The following RUNX2 variants were observed in gnomAD, a reference collection of about 807,000 sequenced individuals.
RUNX2 encodes RUNX family transcription factor 2, also known as runt-related transcription factor 2.
In RUNX2, 10 loss-of-function variants were observed where a neutral mutation model predicts 51.7. That is an observed-to-expected ratio of 0.19 (90% CI 0.12 to 0.33). The LOEUF is 0.33. Ranked by LOEUF, RUNX2 falls within the 10% of genes least tolerant of loss-of-function variation. The probability of loss-of-function intolerance (pLI) is 1.00; values close to 1 mark genes in which losing one functional copy is unlikely to be tolerated. For missense variants in RUNX2, 562 were observed against 691.3 expected (o/e 0.81, Z 2.10); for synonymous variants, 276 against 273.6 (o/e 1.01, Z -0.09).
chr6:45,489,666 G>A (rs1393045780), intron 5 of RUNX2, among the ~76,000 whole-genome samples: 2 of 152,074 alleles, frequency 1.3e-5, no homozygotes, highest in African/African-American at 4.8e-5. Context: ...GTTTACAGCT[G>A]TATCAACACC....
intron 2 of RUNX2, among the ~76,000 whole-genome samples, chr6:45,375,263 T>C (rs1796620706): frequency 1.3e-5 from 2 of 152,160 alleles, no homozygotes; most frequent in Non-Finnish European, 1.5e-5. Context: ...TAAAACTATA[T>C]ATTACAAGTC....
intron 5 of RUNX2, among the ~76,000 whole-genome samples, chr6:45,478,341 G>A (rs1053681394): frequency 1.3e-5 from 2 of 152,178 alleles, no homozygotes; most frequent in African/African-American, 4.8e-5. Flanking sequence ...GGTTTTACCT[G>A]TGTAGGACAT....
At chr6:45,504,729 A>C (rs1800906861) in intron 6 of RUNX2, among the ~76,000 whole-genome samples, 1 of 152,220 alleles carries the variant, frequency 6.6e-6, no homozygotes, top group Non-Finnish European at 1.5e-5. Flanking sequence ...AGTTTAAGAT[A>C]GGAAATGGCA....
chr6:45,415,570 C>T (rs1248526564), intron 2 of RUNX2, among the ~76,000 whole-genome samples: 1 of 152,130 alleles, frequency 6.6e-6, no homozygotes, highest in Non-Finnish European at 1.5e-5. Flanking sequence ...GCTTCAGGAG[C>T]CTGGCACTGG....
intron 7 of RUNX2, among the ~76,000 whole-genome samples, chr6:45,542,256 G>A (rs1435497353): frequency 6.6e-6 from 1 of 152,182 alleles, no homozygotes; most frequent in Non-Finnish European, 1.5e-5. Context: ...ACCTTGGGAG[G>A]AGGGGCAAGA....
intron 5 of RUNX2, among the ~76,000 whole-genome samples, chr6:45,488,823 A>G (rs1800363757): frequency 6.6e-6 from 1 of 151,994 alleles, no homozygotes; most frequent in Non-Finnish European, 1.5e-5. Context: ...TGGAACATCT[A>G]CTCGTTGGCC....
intron 5 of RUNX2, among the ~76,000 whole-genome samples, chr6:45,465,660 T>C (rs1339186788): frequency 6.6e-6 from 1 of 151,688 alleles, no homozygotes. Context: ...TTTTTTTTTT[T>C]AGACAAGATC....
At chr6:45,356,439 C>T (rs1285505173) in intron 2 of RUNX2, among the ~76,000 whole-genome samples, 1 of 151,832 alleles carries the variant, frequency 6.6e-6, no homozygotes, top group Non-Finnish European at 1.5e-5. Context: ...ACTCTGTCAC[C>T]CAGGCTGGAG....
intron 2 of RUNX2, among the ~76,000 whole-genome samples, chr6:45,392,834 C>A (rs1797500843): frequency 6.6e-6 from 1 of 151,736 alleles, no homozygotes; most frequent in African/African-American, 2.4e-5. Context: ...CTGTTGATTT[C>A]TTTCTTTCTT....
chr6:45,496,730 A>G (rs537988505), intron 6 of RUNX2, among the ~76,000 whole-genome samples: 1 of 152,302 alleles, frequency 6.6e-6, no homozygotes, highest in East Asian at 1.9e-4. Context: ...AGGGAATGAC[A>G]TTATGTCATT....
intron 2 of RUNX2, among the ~76,000 whole-genome samples, chr6:45,338,954 A>G (rs545208473): frequency 6.6e-6 from 1 of 152,222 alleles, no homozygotes; most frequent in African/African-American, 2.4e-5. Context: ...AGTATAAACT[A>G]TTTACACTCA....
chr6:45,485,467 G>T (rs375731186), intron 5 of RUNX2, among the ~76,000 whole-genome samples: 1 of 151,648 alleles, frequency 6.6e-6, no homozygotes, highest in Non-Finnish European at 1.5e-5. Context: ...CTCCCAAAGT[G>T]TTGGGATTAC....
At chr6:45,397,260 C>T (rs1277013933) in intron 2 of RUNX2, among the ~76,000 whole-genome samples, 5 of 151,866 alleles carry the variant, frequency 3.3e-5, no homozygotes, top group South Asian at 2.1e-4. Flanking sequence ...CCCACCACCA[C>T]GTCCGGCTAA....
intron 7 of RUNX2, among the ~76,000 whole-genome samples, chr6:45,518,470 C>G (rs7771889): frequency 0.38 from 57,574 of 151,844 alleles, 12,306 homozygotes; most frequent in African/African-American, 0.6. Flanking sequence ...TTGATTTACT[C>G]CTGCTGAGGC....
intron 7 of RUNX2, among the ~76,000 whole-genome samples, chr6:45,520,385 C>A (rs893559218): frequency 6.6e-6 from 1 of 152,150 alleles, no homozygotes; most frequent in Admixed American, 6.5e-5. Flanking sequence ...TCCTGAACAT[C>A]TACTGTTTGG....
In RUNX2 at chr6:45,328,796, C is replaced by T; in HGVS notation, c.58+12C>T. On this transcript the variant is annotated intron_variant, in intron 2 of 8. Coordinates refer to ENST00000647337, the MANE Select transcript of RUNX2 (RefSeq NM_001024630.4). Reference sequence around the variant, plus strand: ...AAACTTCTTTTGGGGTAAGTGTTACCATTTTTAAAATCCTGTAAGATATGA... The same window carrying T: ...AAACTTCTTTTGGGGTAAGTGTTACTATTTTTAAAATCCTGTAAGATATGA... 1 of 1,611,348 alleles carries T rather than the reference C, an allele frequency of 6.2e-7. No homozygotes were observed. Among genetic ancestry groups the T allele is most frequent in the Non-Finnish European group, 8.5e-7 (1 of 1,178,110 alleles).
intron 5 of RUNX2, among the ~76,000 whole-genome samples, chr6:45,453,532 T>G (rs1799233399): frequency 6.6e-6 from 1 of 152,264 alleles, no homozygotes; most frequent in African/African-American, 2.4e-5. Flanking sequence ...AGGACTTTAC[T>G]TAAGACTTAT....
intron 7 of RUNX2, among the ~76,000 whole-genome samples, chr6:45,538,875 A>G (rs968828863): frequency 6.6e-6 from 1 of 152,094 alleles, no homozygotes; most frequent in African/African-American, 2.4e-5. Context: ...CTGCCACGGC[A>G]CCGTGGGTGG....
chr6:45,471,224 T>C lies in RUNX2; in HGVS notation c.686-20717T>C, dbSNP rs1799789898. Among the ~76,000 whole-genome samples the C allele has an allele frequency of 2.0e-5, 3 of 152,166 alleles. No homozygotes were observed. In the South Asian group the frequency reaches 6.2e-4, roughly 32 times the overall value. Reference sequence around the variant, plus strand: ...CCACTCATTGATGTCACCAGATTTGTTACATTAAAAAGTAGGTCCAGAACA... The same window carrying C: ...CCACTCATTGATGTCACCAGATTTGCTACATTAAAAAGTAGGTCCAGAACA... On this transcript the variant is annotated intron_variant, in intron 5 of 8. Coordinates refer to ENST00000647337, the MANE Select transcript of RUNX2 (RefSeq NM_001024630.4).
Sources: allele counts gnomAD v4.1 joint callset (sites outside exome capture counted in the v4.1 genomes callset), GRCh38; gene constraint gnomAD v4.1.1; transcripts MANE v1.5; gene names NCBI Gene and HGNC (gene_info 2026-07-23, HGNC 2026-07-21).